Variants in CACNG5 observed in about 807,000 individuals in gnomAD.
CACNG5 encodes the protein voltage-dependent calcium channel gamma-5 subunit.
A neutral mutation model predicts 24.8 loss-of-function variants in CACNG5; 18 were observed. That is an observed-to-expected ratio of 0.73 (90% CI 0.50 to 1.08). The LOEUF is 1.08. Among genes scored for constraint, CACNG5 ranks in the 50% least tolerant of loss-of-function variants. The pLI is 0.00. For synonymous variants in CACNG5, 157 were observed against 149.1 expected (o/e 1.05, Z -0.39); for missense variants, 349 against 367.9 (o/e 0.95, Z 0.42).
chr17:66,885,270 G>A lies in CACNG5; in HGVS notation c.*30G>A, dbSNP rs2286679. 15,911 of 1,541,150 alleles carry A rather than the reference G, an allele frequency of 0.01. 810 individuals carry two copies. The African/African-American group carries it at 0.12, about 11-fold the overall frequency. On this transcript the variant is annotated 3_prime_UTR_variant, in exon 6 of 6. Transcript: ENST00000533854. The stretch of plus-strand genomic sequence containing the variant: ...CGGCCGCCCCCATCCCTGGACTGTG[G>A]GTGGCCAGACAACCCTTCCTGTTCT...
chr17:66,845,607 C>T (rs946005664), intron 1 of CACNG5, among the ~76,000 whole-genome samples: 1 of 152,118 alleles, frequency 6.6e-6, no homozygotes, highest in Admixed American at 6.5e-5. Context: ...CCCAGCACAC[C>T]TCCATCAGCC....
At chr17:66,867,430 C>T (rs563502318) in intron 1 of CACNG5, among the ~76,000 whole-genome samples, 15 of 152,240 alleles carry the variant, frequency 9.9e-5, no homozygotes, top group African/African-American at 3.1e-4. Flanking sequence ...TGTCTGTTCA[C>T]TTTGATGATA....
chr17:66,845,462 A>T (rs558784555), intron 1 of CACNG5, among the ~76,000 whole-genome samples: 5 of 13,596 alleles, frequency 3.7e-4, no homozygotes, highest in East Asian at 1.2e-3. Context: ...AGTAAAATTT[A>T]AAAAAAAAAA....
In CACNG5 at chr17:66,886,248, C is replaced by G. The variant is rs138310815; in HGVS notation, c.*1008C>G. ...GGAGTGGGAGCTGGATTTGAGGACACCTGGTGCAGCTTGAGTGCAAACAAA... is the reference window on the plus strand; with the variant it reads ...GGAGTGGGAGCTGGATTTGAGGACAGCTGGTGCAGCTTGAGTGCAAACAAA... On this transcript the variant is annotated 3_prime_UTR_variant, in exon 6 of 6. Transcript: ENST00000533854. Among the ~76,000 whole-genome samples the G allele has an allele frequency of 4.6e-5, 7 of 152,174 alleles. No homozygotes were observed. Among genetic ancestry groups the G allele is most frequent in the Non-Finnish European group, 8.8e-5 (6 of 68,020 alleles).
intron 1 of CACNG5, among the ~76,000 whole-genome samples, chr17:66,838,567 T>A (rs1383083389): frequency 6.6e-6 from 1 of 151,850 alleles, no homozygotes; most frequent in East Asian, 1.9e-4. Context: ...AATGAGCAGT[T>A]TACTGCCTTT....
At chr17:66,871,203 CA>C (rs1197580763) in intron 1 of CACNG5, among the ~76,000 whole-genome samples, 4 of 152,116 alleles carry the variant, frequency 2.6e-5, no homozygotes, top group African/African-American at 9.7e-5. Flanking sequence ...CTCTGGTCAC[CA>C]GCCCATCCTG....
chr17:66,848,083 C>T (rs1990340), intron 1 of CACNG5, among the ~76,000 whole-genome samples: 37,116 of 152,012 alleles, frequency 0.24, 4,736 homozygotes, highest in South Asian at 0.42. Flanking sequence ...CATGTCGGGA[C>T]AACCTCGTTG....
At chr17:66,849,476 A>C (rs1038001828) in intron 1 of CACNG5, among the ~76,000 whole-genome samples, 1 of 152,182 alleles carries the variant, frequency 6.6e-6, no homozygotes, top group African/African-American at 2.4e-5. Context: ...CCCCTCACTC[A>C]GGGTGCCCAA....
At chr17:66,859,868 C>T (rs1389677538) in intron 1 of CACNG5, among the ~76,000 whole-genome samples, 2 of 152,124 alleles carry the variant, frequency 1.3e-5, no homozygotes, top group African/African-American at 4.8e-5. Context: ...CCTCTCCACC[C>T]TCTCCTTCCT....
intron 1 of CACNG5, among the ~76,000 whole-genome samples, chr17:66,846,335 A>G (rs1339807383): frequency 6.6e-6 from 1 of 152,178 alleles, no homozygotes; most frequent in Admixed American, 6.5e-5. Flanking sequence ...AACTCTCAGC[A>G]TTCTCTAGTT....
rs763248486 is a variant in CACNG5 at position 66,885,045 on chromosome 17, G to C, written c.633G>C (p.Arg211Ser). 6.2e-7 allele frequency: 1 copy of C among 1,614,176 alleles called. No homozygotes were observed. Among genetic ancestry groups the C allele is most frequent in the Non-Finnish European group, 8.5e-7 (1 of 1,180,024 alleles). ...GGTACACCGCGGAGGACATGTACAG[G>C]CCCCACCCTGGCTTCTACCGCCCTC... ...MKRYTAEDMY[R>S]PHPGFYRPRL... Residue 211 changes from arginine to serine, a missense_variant, in exon 6 of 6, where the codon AGG becomes AGC. Transcript: ENST00000533854.
intron 1 of CACNG5, among the ~76,000 whole-genome samples, chr17:66,872,707 C>T (rs1977026390): frequency 6.6e-6 from 1 of 152,138 alleles, no homozygotes; most frequent in African/African-American, 2.4e-5. Context: ...CCTGTGTGTG[C>T]TTTGAGGAAA....
chr17:66,854,929 T>C (rs1976753730), intron 1 of CACNG5, among the ~76,000 whole-genome samples: 1 of 152,098 alleles, frequency 6.6e-6, no homozygotes, highest in Admixed American at 6.5e-5. Context: ...TCACCGGCAA[T>C]CATAGAAATG....
At position 66,885,050 on chromosome 17, in the gene CACNG5, AC is replaced by A. The variant is rs777759248; in HGVS notation, c.641del (p.Pro214LeufsTer8). 3 of 1,614,052 alleles carry A rather than the reference AC, an allele frequency of 1.9e-6. No individual in the cohort carries two copies. In the South Asian group the frequency reaches 3.3e-5, roughly 18 times the overall value. ...RYTAEDMYRP[H>X]PGFYRPRLSN... ...ACCGCGGAGGACATGTACAGGCCCC[AC>A]CCTGGCTTCTACCGCCCTCGGCTGA... On this transcript the variant is annotated frameshift_variant, in exon 6 of 6. Coordinates refer to ENST00000533854, the MANE Select transcript of CACNG5 (RefSeq NM_145811.3). LOFTEE classifies it high-confidence loss of function.
intron 1 of CACNG5, among the ~76,000 whole-genome samples, chr17:66,841,732 C>T (rs1976571788): frequency 6.6e-6 from 1 of 152,222 alleles, no homozygotes; most frequent in Non-Finnish European, 1.5e-5. Context: ...CCCCACACTC[C>T]TCTGGGCCTC....
intron 1 of CACNG5, among the ~76,000 whole-genome samples, chr17:66,837,851 C>T (rs1234484157): frequency 6.6e-6 from 1 of 151,542 alleles, no homozygotes; most frequent in Non-Finnish European, 1.5e-5. Flanking sequence ...TCAAGAAGGC[C>T]CCAGGGAGAA....
chr17:66,875,394 A>T (rs1453108936), intron 1 of CACNG5, among the ~76,000 whole-genome samples: 7 of 152,148 alleles, frequency 4.6e-5, no homozygotes, highest in Non-Finnish European at 2.9e-5. Context: ...GCAAACATGG[A>T]CATAGACTCA....
chr17:66,887,575 G>A lies in CACNG5; in HGVS notation c.*2335G>A, dbSNP rs1010274277. ...AAACTGGACAATCATTTAGGTAAGC[G>A]CTATTCCAATTTTTATCAATGTAAT... On this transcript the variant is annotated 3_prime_UTR_variant, in exon 6 of 6. Transcript: ENST00000533854. Among the ~76,000 whole-genome samples, 2 of 152,140 alleles carry A rather than the reference G, an allele frequency of 1.3e-5. No homozygotes were observed. Among genetic ancestry groups the A allele is most frequent in the Non-Finnish European group, 2.9e-5 (2 of 68,018 alleles).
Position 66,885,210 on chromosome 17 carries a change from C to T in CACNG5, c.798C>T (p.Asp266=). 1 of 1,600,900 alleles carries T rather than the reference C, an allele frequency of 6.2e-7. No individual in the cohort carries two copies. The highest frequency in any genetic ancestry group is 1.7e-4 in the Middle Eastern group (1 of 6,032). Residue 266 remains aspartate, a synonymous_variant, in exon 6 of 6, where the codon GAC becomes GAT. Coordinates refer to ENST00000533854, the MANE Select transcript of CACNG5 (RefSeq NM_145811.3). The part of the protein sequence containing the change: ...SNYPALLKCP[D]YDQMSSSPC Reference sequence around the variant, plus strand: ...ACCCCGCCTTGCTCAAGTGCCCCGACTATGATCAGATGTCCTCTTCACCCT... The same window carrying T: ...ACCCCGCCTTGCTCAAGTGCCCCGATTATGATCAGATGTCCTCTTCACCCT...
Sources: allele counts gnomAD v4.1 joint callset (sites outside exome capture counted in the v4.1 genomes callset), GRCh38; gene constraint gnomAD v4.1.1; transcripts MANE v1.5; gene names NCBI Gene and HGNC (gene_info 2026-07-23, HGNC 2026-07-21).